The following CLIP2 variants were observed in gnomAD, a reference collection of about 807,000 sequenced individuals.
The protein encoded by CLIP2 is CAP-Gly domain-containing linker protein 2.
In CLIP2, 41 loss-of-function variants were observed where a neutral mutation model predicts 111.7. The ratio of observed to expected loss-of-function variants is 0.37; its 90% CI spans 0.29 to 0.48. CLIP2 has a LOEUF of 0.48. Ranked by LOEUF, CLIP2 falls within the 20% of genes least tolerant of loss-of-function variation. CLIP2 has a pLI of 0.99. For synonymous variants in CLIP2, 660 were observed against 644.2 expected (o/e 1.02, Z -0.37); for missense variants, 1,160 against 1,422.1 (o/e 0.82, Z 2.96).
chr7:74,315,736 AATTTTTGT>A (rs1472757523), intron 1 of CLIP2, among the ~76,000 whole-genome samples: 1 of 151,750 alleles, frequency 6.6e-6, no homozygotes, highest in East Asian at 1.9e-4. Flanking sequence ...ATGCCCAGCT[AATTTTTGT>A]ATTTTTAGCA....
intron 2 of CLIP2, among the ~76,000 whole-genome samples, chr7:74,327,093 C>G (rs1483310897): frequency 6.6e-6 from 1 of 151,944 alleles, no homozygotes; most frequent in Non-Finnish European, 1.5e-5. Context: ...GAAAGTTTGG[C>G]AGTTCTTCAA....
chr7:74,362,810 T>A (rs1554310045), intron 7 of CLIP2, among the ~76,000 whole-genome samples: 1 of 151,472 alleles, frequency 6.6e-6, no homozygotes, highest in Non-Finnish European at 1.5e-5. Context: ...GCTGGGATTA[T>A]AGGCAGGAGC....
intron 13 of CLIP2, among the ~76,000 whole-genome samples, chr7:74,393,877 T>A (rs1439674134): frequency 6.6e-6 from 1 of 152,170 alleles, no homozygotes; most frequent in Non-Finnish European, 1.5e-5. Context: ...CCTGTGTTTT[T>A]CCAGTAGGAA....
chr7:74,377,828 A>ATT (rs34445488), intron 10 of CLIP2, among the ~76,000 whole-genome samples: 50 of 142,796 alleles, frequency 3.5e-4, no homozygotes, highest in Non-Finnish European at 5.7e-4. Context: ...CCCCACATAC[A>ATT]TTTTTTTTTT....
At position 74,400,376 on chromosome 7, in the gene CLIP2, G is replaced by C. The variant is rs782542403; in HGVS notation, c.2887G>C (p.Glu963Gln). The C allele has an allele frequency of 6.2e-7, 1 of 1,607,564 alleles. No homozygotes were observed. The highest frequency in any genetic ancestry group is 2.2e-5 in the East Asian group (1 of 44,740). ...LREKLTGLDK[E>Q]KSLSDQRRYS... ...ACTCTCCTGCCACTTCCAGGACAAA[G>C]AGAAATCCCTGTCGGATCAGAGGCG... The change falls in exon 15 of 17, where the codon GAG (glutamate) becomes CAG (glutamine). Residue 963 changes from glutamate to glutamine, a missense_variant. Glu to Gln is a conservative substitution (Grantham distance 29). Around this residue, in one of 5 missense-constraint regions of CLIP2, gnomAD observed 676 missense variants for 777.8 expected, o/e 0.87. Coordinates refer to ENST00000223398, the MANE Select transcript of CLIP2 (RefSeq NM_003388.5).
At chr7:74,334,614 G>C (rs1447686287) in intron 2 of CLIP2, among the ~76,000 whole-genome samples, 10 of 152,098 alleles carry the variant, frequency 6.6e-5, no homozygotes, top group Non-Finnish European at 1.5e-4. Context: ...TCTCTGCATA[G>C]GAAAGTGCCC....
rs138751835 is a variant in CLIP2, at chr7:74,376,704, G to A, written c.2303G>A (p.Arg768Gln). Residue 768 changes from arginine (R) to glutamine (Q), a missense_variant, in exon 10 of 17, where the codon CGG (arginine) becomes CAG (glutamine). By Grantham distance (43) the Arg-to-Gln change is conservative. Around this residue, in one of 5 missense-constraint regions of CLIP2, gnomAD observed 676 missense variants for 777.8 expected, o/e 0.87. Coordinates refer to ENST00000223398, the MANE Select transcript of CLIP2 (RefSeq NM_003388.5). This position sits in a 1 kb window ranked among gnomAD's most constrained non-coding sequence, Gnocchi z 7.1. ...GAGAAGAAGATGTTGGACTACGAGC[G>A]GCTGCAGCGGGCAGAAGCCCAGGGC... Reference protein sequence around the residue: ...LAEKKMLDYERLQRAEAQGKQ... With the variant: ...LAEKKMLDYEQLQRAEAQGKQ... 175 of 1,613,100 alleles carry A rather than the reference G, an allele frequency of 1.1e-4. No individual in the cohort carries two copies. Among genetic ancestry groups the A allele is most frequent in the African/African-American group, 5.9e-4 (44 of 75,040 alleles).
At chr7:74,293,569 C>T (rs1788086487) in intron 1 of CLIP2, among the ~76,000 whole-genome samples, 1 of 152,144 alleles carries the variant, frequency 6.6e-6, no homozygotes, top group Non-Finnish European at 1.5e-5. Context: ...GTCACGTGGT[C>T]TCTGGGGCTG....
chr7:74,297,733 G>A (rs572538291), intron 1 of CLIP2, among the ~76,000 whole-genome samples: 1 of 152,226 alleles, frequency 6.6e-6, no homozygotes, highest in South Asian at 2.1e-4. Flanking sequence ...CAGGCTGGGT[G>A]AATGTGGCTA....
At chr7:74,331,205 C>CAAA (rs58844348) in intron 2 of CLIP2, among the ~76,000 whole-genome samples, 29 of 59,952 alleles carry the variant, frequency 4.8e-4, no homozygotes, top group African/African-American at 1.9e-3. Flanking sequence ...GACTCCATCT[C>CAAA]AAAAAAAAAA....
At chr7:74,364,918 G>T (rs1245534849) in intron 8 of CLIP2, 1 of 454,324 alleles carries the variant, frequency 2.2e-6, no homozygotes. Flanking sequence ...AGCTACTCAG[G>T]GAGGCTGAGG....
chr7:74,346,011 C>T (rs1450106624), intron 3 of CLIP2, among the ~76,000 whole-genome samples: 2 of 152,048 alleles, frequency 1.3e-5, no homozygotes, highest in African/African-American at 4.8e-5. Flanking sequence ...TGGCTTCTTG[C>T]TGTGTTGTCC....
chr7:74,360,972 C>T (rs1790310537), intron 7 of CLIP2, among the ~76,000 whole-genome samples: 1 of 152,030 alleles, frequency 6.6e-6, no homozygotes, highest in Non-Finnish European at 1.5e-5. Flanking sequence ...CCTGGGGAGC[C>T]GTGCACCAGG....
intron 11 of CLIP2, among the ~76,000 whole-genome samples, chr7:74,383,810 A>T (rs999744849): frequency 1.1e-4 from 17 of 152,152 alleles, no homozygotes; most frequent in Non-Finnish European, 2.1e-4. Context: ...ACCCATCTCT[A>T]CAAAAGAAAA....
chr7:74,355,605 G>A (rs1183499168), intron 4 of CLIP2, among the ~76,000 whole-genome samples: 1 of 152,136 alleles, frequency 6.6e-6, no homozygotes, highest in Non-Finnish European at 1.5e-5. Context: ...GCCAGACCCT[G>A]TCTCGAAAGA....
At chr7:74,390,528 G>A (rs1205258230) in intron 13 of CLIP2, among the ~76,000 whole-genome samples, 3 of 151,584 alleles carry the variant, frequency 2.0e-5, no homozygotes, top group Non-Finnish European at 4.4e-5. Context: ...ATTTAGCTGG[G>A]CATAGTAGCA....
intron 15 of CLIP2, among the ~76,000 whole-genome samples, chr7:74,401,154 C>T (rs1209094778): frequency 2.0e-5 from 3 of 151,858 alleles, no homozygotes; most frequent in Non-Finnish European, 4.4e-5. Flanking sequence ...GGGGAGGTGG[C>T]GCTGTCCCAG....
At position 74,389,257 on chromosome 7, in the gene CLIP2, G is replaced by A; in HGVS notation, c.2718G>A (p.Glu906=). The change falls in exon 13 of 17, where the codon GAG becomes GAA. Residue 906 remains glutamate, a splice_region_variant and synonymous_variant. Transcript: ENST00000223398. The part of the protein sequence containing the change: ...VLISQELLRK[E]RSLNELRVLL... The stretch of plus-strand genomic sequence containing the variant: ...TCAGCCAGGAGCTGCTGCGGAAGGA[G>A]CGGTGAGGCGGCCGTGGGGCCGGCT... The A allele has an allele frequency of 6.3e-7, 1 of 1,588,484 alleles. No individual in the cohort carries two copies. Among genetic ancestry groups the A allele is most frequent in the Non-Finnish European group, 8.6e-7 (1 of 1,168,862 alleles).
chr7:74,358,051 GT>G (rs782071365), intron 6 of CLIP2, among the ~76,000 whole-genome samples: 272 of 111,308 alleles, frequency 2.4e-3, no homozygotes, highest in Admixed American at 2.5e-3. Flanking sequence ...CACTGCAAGG[GT>G]TTTTTTTTTT....
Sources: allele counts gnomAD v4.1 joint callset (sites outside exome capture counted in the v4.1 genomes callset), GRCh38; gene constraint gnomAD v4.1.1; regional missense constraint gnomAD v4.1.1; non-coding constraint Gnocchi (gnomAD v3.1); transcripts MANE v1.5; gene names NCBI Gene and HGNC (gene_info 2026-07-23, HGNC 2026-07-21).